NPDC1: variants seen among roughly 807,000 people sequenced by gnomAD.
NPDC1 encodes neural proliferation differentiation and control protein 1.
A neutral mutation model predicts 32.5 loss-of-function variants in NPDC1; 18 were observed. The ratio of observed to expected loss-of-function variants is 0.55; its 90% CI spans 0.38 to 0.82. The LOEUF (loss-of-function observed/expected upper bound fraction) is 0.82, where lower values mean the gene tolerates loss of function less well. Among genes scored for constraint, NPDC1 ranks in the 40% least tolerant of loss-of-function variants. The probability of loss-of-function intolerance (pLI) is 0.00; values close to 1 mark genes in which losing one functional copy is unlikely to be tolerated. For missense variants in NPDC1, 468 were observed against 406.6 expected (o/e 1.15, Z -1.30); for synonymous variants, 210 against 184.7 (o/e 1.14, Z -1.11).
intron 2 of NPDC1, among the ~76,000 whole-genome samples, chr9:137,041,990 G>A (rs1034587737): frequency 1.3e-5 from 2 of 152,252 alleles, no homozygotes; most frequent in Non-Finnish European, 2.9e-5. Flanking sequence ...TGGGGGCCTG[G>A]AGGGCTTCTG....
In NPDC1 at chr9:137,046,149, C is replaced by A. The variant is rs993916452; in HGVS notation, c.-160G>T. 5.3e-5 allele frequency: 58 copies of A among 1,096,660 alleles called. No individual in the cohort carries two copies. Among genetic ancestry groups the A allele is most frequent in the Non-Finnish European group, 6.0e-5 (54 of 901,076 alleles). The allele number at this position is 1,096,660 out of a possible 1,614,324, so 67.9% of individuals were successfully genotyped here. A position where few individuals can be genotyped will look rare whatever the true frequency, so the allele number is the denominator to read the frequency against. ...GGAGGAGGAAGAGGAAAGGCACGGG[C>A]GGCGGCGCTGACGCTGCAGCAAGGA... is the stretch of plus-strand genomic sequence containing the variant. On this transcript the variant is annotated 5_prime_UTR_variant, in exon 1 of 9. Transcript: ENST00000371601.
At position 137,040,938 on chromosome 9, in the gene NPDC1, G is replaced by T; in HGVS notation, c.432C>A (p.Leu144=). Residue 144 remains leucine (L), a synonymous_variant, in exon 4 of 9, where the codon CTC becomes CTA. Transcript: ENST00000371601. ...GCGTGGGGGTTCCTGGAGTGGAGGG[G>T]AGGCCCAGCTCCAGCCCCTGCCCCC... ...SARGQGLELG[L]PSTPGTPTPT... 6.4e-7 allele frequency: 1 copy of T among 1,560,224 alleles called. No homozygotes were observed. Among genetic ancestry groups the T allele is most frequent in the Non-Finnish European group, 8.6e-7 (1 of 1,156,372 alleles).
intron 3 of NPDC1, 28 bp downstream of exon 3, chr9:137,041,034 C>G (rs375313110): frequency 1.3e-6 from 2 of 1,519,630 alleles, no homozygotes; most frequent in South Asian, 1.3e-5. Flanking sequence ...GGGACAGGGC[C>G]GTGGGGCAGG....
chr9:137,042,845 A>G (rs1406724326), intron 2 of NPDC1, 82 bp downstream of exon 2: 4 of 1,506,690 alleles, frequency 2.7e-6, no homozygotes, highest in Non-Finnish European at 3.6e-6. Context: ...GGCATGAGCC[A>G]CCGCGCCCAG....
rs566093735 is a variant in NPDC1, at chr9:137,039,813, C to G, written c.937G>C (p.Ala313Pro). The G allele has an allele frequency of 2.6e-6, 2 of 778,632 alleles. No individual in the cohort carries two copies. Among genetic ancestry groups the G allele is most frequent in the Non-Finnish European group, 4.8e-6 (2 of 417,758 alleles). 48.2% of individuals were successfully genotyped at this position (778,632 alleles called of 1,614,324 possible). A position where few individuals can be genotyped will look rare whatever the true frequency, so the allele number is the denominator to read the frequency against. ...GGTGAGCTGGGGGCCGGCAGGGGCG[C>G]GGACAGTGCGGCGTGGTCGAACAGA... ...NPLFDHAALS[A>P]PLPAPSSPPA... The change falls in exon 9 of 9, where the codon GCG becomes CCG. Residue 313 changes from alanine (A) to proline (P), a missense_variant. Transcript: ENST00000371601.
At position 137,039,740 on chromosome 9, in the gene NPDC1, G is replaced by C. The variant is rs201807484; in HGVS notation, c.*32C>G. 1 of 730,624 alleles carries C rather than the reference G, an allele frequency of 1.4e-6. No homozygotes were observed. Among genetic ancestry groups the C allele is most frequent in the Non-Finnish European group, 2.5e-6 (1 of 394,300 alleles). 45.3% of individuals were successfully genotyped at this position (730,624 alleles called of 1,614,324 possible). A position where few individuals can be genotyped will look rare whatever the true frequency, so the allele number is the denominator to read the frequency against. On this transcript the variant is annotated 3_prime_UTR_variant, in exon 9 of 9. Coordinates refer to ENST00000371601, the MANE Select transcript of NPDC1 (RefSeq NM_015392.4). ...GCCCCTCCCCGGGGGCCTCGAGGTCGGGGAGCAGGTGGGCGTCTGTCTGCC... is the reference window on the plus strand; with the variant it reads ...GCCCCTCCCCGGGGGCCTCGAGGTCCGGGAGCAGGTGGGCGTCTGTCTGCC...
In NPDC1 at chr9:137,046,166, C is replaced by T. The variant is rs1832127849; in HGVS notation, c.-177G>A. 2 of 1,099,808 alleles carry T rather than the reference C, an allele frequency of 1.8e-6. No individual in the cohort carries two copies. The highest frequency in any genetic ancestry group is 1.7e-5 in the African/African-American group (1 of 59,814). 68.1% of individuals were successfully genotyped at this position (1,099,808 alleles called of 1,614,324 possible). On this transcript the variant is annotated 5_prime_UTR_variant, in exon 1 of 9. Coordinates refer to ENST00000371601, the MANE Select transcript of NPDC1 (RefSeq NM_015392.4). ...GGCACGGGCGGCGGCGCTGACGCTG[C>T]AGCAAGGATCCGGGATGGAGGCGCC...
intron 7 of NPDC1, 132 bp downstream of exon 7, chr9:137,040,225 G>T (rs1011786059): frequency 2.0e-5 from 17 of 856,462 alleles, no homozygotes; most frequent in Non-Finnish European, 2.9e-5. Context: ...GGCGGCGGGG[G>T]AGGTGAAGGT....
intron 1 of NPDC1, chr9:137,044,192 G>A (rs1832094529): frequency 6.6e-6 from 1 of 152,336 alleles, no homozygotes; most frequent in South Asian, 2.1e-4. Flanking sequence ...GGGCCCTCAG[G>A]CTGTCCGCCT....
At chr9:137,045,611 C>T (rs1022217848) in intron 1 of NPDC1, among the ~76,000 whole-genome samples, 1 of 152,214 alleles carries the variant, frequency 6.6e-6, no homozygotes, top group African/African-American at 2.4e-5. Flanking sequence ...GCGCTCCCGG[C>T]GGAAGAAGCC....
At chr9:137,040,103 C>T (rs1424201059) in intron 7 of NPDC1, 36 bp from the exon 8 acceptor site, 2 of 766,394 alleles carry the variant, frequency 2.6e-6, no homozygotes, top group South Asian at 1.4e-5. Flanking sequence ...CTCCCCATGC[C>T]CTCGAGGTGC....
intron 2 of NPDC1, 67 bp downstream of exon 2, chr9:137,042,860 C>T: frequency 6.5e-7 from 1 of 1,527,314 alleles, no homozygotes; most frequent in Non-Finnish European, 8.8e-7. Flanking sequence ...GCCCAGCCGG[C>T]CGCTTCTTAC....
chr9:137,045,828 G>C (rs1307129892), intron 1 of NPDC1, 50 bp downstream of exon 1: 2 of 984,848 alleles, frequency 2.0e-6, no homozygotes, highest in Non-Finnish European at 2.4e-6. Flanking sequence ...CCCGCCCGGC[G>C]ATCCCGGCCC....
chr9:137,044,561 C>A (rs955239336), intron 1 of NPDC1, among the ~76,000 whole-genome samples: 1 of 152,174 alleles, frequency 6.6e-6, no homozygotes, highest in Admixed American at 6.5e-5. Context: ...GTCGCAGGAA[C>A]AAGAGCAGCT....
rs373420399 is a variant in NPDC1, at chr9:137,040,730, G to A, written c.564C>T (p.Ile188=). 6.3e-5 allele frequency: 100 copies of A among 1,589,674 alleles called. No homozygotes were observed. The Middle Eastern group carries it at 2.0e-3, about 32-fold the overall frequency. ...CTGCACCGGCCACACAGAACGCCAG[G>A]ATCAGCACTGCAGGAGGGGGCGTGT... ...GQGDGLALVL[I]LAFCVAGAAA... Residue 188 remains isoleucine, a synonymous_variant, in exon 5 of 9, where the codon ATC becomes ATT. Coordinates refer to ENST00000371601, the MANE Select transcript of NPDC1 (RefSeq NM_015392.4).
intron 7 of NPDC1, 58 bp from the exon 8 acceptor site, chr9:137,040,125 T>A: frequency 2.7e-6 from 2 of 748,324 alleles, no homozygotes; most frequent in Admixed American, 1.8e-5. Context: ...AGTGGCCCAG[T>A]CTGGAAGTGG....
chr9:137,040,101 G>T, intron 7 of NPDC1, 34 bp from the exon 8 acceptor site: 1 of 768,538 alleles, frequency 1.3e-6, no homozygotes, highest in Non-Finnish European at 2.4e-6. Flanking sequence ...TCCTCCCCAT[G>T]CCCTCGAGGT....
In NPDC1 at chr9:137,040,583, G is replaced by T; in HGVS notation, c.639C>A (p.Ile213=). The change falls in exon 6 of 9, where the codon ATC becomes ATA. Residue 213 remains isoleucine, a synonymous_variant. Coordinates refer to ENST00000371601, the MANE Select transcript of NPDC1 (RefSeq NM_015392.4). ...CGTAGTCGGCCTTCTGAGTCAGGCG[G>T]ATCTCACGCTGCAGCCTGTGGGGAG... ...SLCWCRLQRE[I]RLTQKADYAT... is the part of the protein sequence containing the mutation. The T allele has an allele frequency of 6.3e-7, 1 of 1,574,810 alleles. No individual in the cohort carries two copies. The highest frequency in any genetic ancestry group is 8.6e-7 in the Non-Finnish European group (1 of 1,166,014).
chr9:137,044,473 G>T (rs569683368), intron 1 of NPDC1, among the ~76,000 whole-genome samples: 1 of 152,186 alleles, frequency 6.6e-6, no homozygotes, highest in South Asian at 2.1e-4. Context: ...TGGCTCTAGG[G>T]TCTGGGTTCC....
Sources: gnomAD v4.1 joint callset for allele counts (sites outside exome capture counted in the v4.1 genomes callset) on GRCh38, gnomAD v4.1.1 for gene constraint, MANE v1.5 for transcripts, NCBI Gene and HGNC (gene_info 2026-07-23, HGNC 2026-07-21) for gene names.